XKR9: variants seen among roughly 807,000 people sequenced by gnomAD.
XKR9 encodes XK related 9.
XKR9 carries 32 observed loss-of-function variants against 32.0 expected under a neutral mutation model. That is an observed-to-expected ratio of 1.00 (90% CI 0.76 to 1.34). XKR9 has a LOEUF of 1.34. Ranked by LOEUF, XKR9 falls within the 40% of genes most tolerant of loss-of-function variation. The pLI is 0.00. For missense variants in XKR9, 546 were observed against 429.7 expected, an observed-to-expected ratio of 1.27 and a Z score of -2.39; for synonymous variants, 168 against 143.4, an observed-to-expected ratio of 1.17 and a Z score of -1.22.
At chr8:71,062,695 T>C in the XKR9 span, among the ~76,000 whole-genome samples, 22 of 152,046 alleles carry the variant, frequency 1.4e-4, no homozygotes, top group African/African-American at 4.8e-4. Context: ...GGGTCTTTTT[T>C]CAGTCAGATT....
chr8:71,003,025 A>C, the XKR9 span, among the ~76,000 whole-genome samples: 1 of 152,232 alleles, frequency 6.6e-6, no homozygotes, highest in Admixed American at 6.5e-5. Flanking sequence ...TGCACTTCAA[A>C]GCAAACCCCT....
At chr8:70,755,077 ACC>A (rs1234014775) in intron 2 of XKR9, among the ~76,000 whole-genome samples, 1 of 152,188 alleles carries the variant, frequency 6.6e-6, no homozygotes, top group African/African-American at 2.4e-5. Context: ...GAAAAAAACA[ACC>A]CCATCAAAAA....
At chr8:70,943,442 T>C in the XKR9 span, among the ~76,000 whole-genome samples, 1 of 152,140 alleles carries the variant, frequency 6.6e-6, no homozygotes, top group Non-Finnish European at 1.5e-5. Context: ...ACATTTTGAC[T>C]CAAAAATTAA....
the XKR9 span, among the ~76,000 whole-genome samples, chr8:71,002,069 T>C: frequency 6.6e-6 from 1 of 152,210 alleles, no homozygotes; most frequent in Non-Finnish European, 1.5e-5. Flanking sequence ...GATATGATGA[T>C]AATAAATCAA....
intron 4 of XKR9, among the ~76,000 whole-genome samples, chr8:70,707,610 T>G (rs1344859717): frequency 3.5e-5 from 2 of 57,442 alleles, no homozygotes; most frequent in African/African-American, 8.7e-5. Context: ...TAATTTAGGT[T>G]GTTTCTTATA....
chr8:70,698,331 A>G (rs1805371946), intron 3 of XKR9, among the ~76,000 whole-genome samples: 1 of 152,050 alleles, frequency 6.6e-6, no homozygotes, highest in Non-Finnish European at 1.5e-5. Flanking sequence ...TAGTGCTATA[A>G]ATTTCCCTCT....
At chr8:70,889,756 A>T in the XKR9 span, among the ~76,000 whole-genome samples, 2 of 151,750 alleles carry the variant, frequency 1.3e-5, no homozygotes, top group African/African-American at 4.8e-5. Flanking sequence ...TCATTTCATT[A>T]TTTTTTATGG....
chr8:70,855,721 CAGAG>C, the XKR9 span, among the ~76,000 whole-genome samples: 1 of 152,218 alleles, frequency 6.6e-6, no homozygotes, highest in African/African-American at 2.4e-5. Flanking sequence ...TAAGGGCAGC[CAGAG>C]AGAAAGGTTG....
chr8:71,002,272 A>T, the XKR9 span, among the ~76,000 whole-genome samples: 1 of 147,054 alleles, frequency 6.8e-6, no homozygotes, highest in African/African-American at 2.5e-5. Context: ...GATAGTCTAT[A>T]AACTACGAGG....
At chr8:71,050,393 A>G in the XKR9 span, among the ~76,000 whole-genome samples, 9,722 of 151,606 alleles carry the variant, frequency 0.064, 450 homozygotes, top group Non-Finnish European at 0.092. Context: ...GGATTCTTAA[A>G]TGGGGAGATA....
chr8:71,039,253 T>A, the XKR9 span, among the ~76,000 whole-genome samples: 1 of 152,164 alleles, frequency 6.6e-6, no homozygotes, highest in African/African-American at 2.4e-5. Context: ...TGGGGTTACA[T>A]CCCAATAAAC....
At chr8:70,778,384 G>T (rs1346507386) in intron 2 of XKR9, among the ~76,000 whole-genome samples, 1 of 152,190 alleles carries the variant, frequency 6.6e-6, no homozygotes, top group South Asian at 2.1e-4. Flanking sequence ...GTAGCCTGAT[G>T]CCTCCAGCTT....
the XKR9 span, among the ~76,000 whole-genome samples, chr8:70,899,315 G>A: frequency 6.6e-6 from 1 of 151,964 alleles, no homozygotes; most frequent in East Asian, 1.9e-4. Flanking sequence ...TTCTGCACCA[G>A]TGTCTTTTTC....
chr8:71,042,932 A>G, the XKR9 span, among the ~76,000 whole-genome samples: 1 of 152,166 alleles, frequency 6.6e-6, no homozygotes, highest in Non-Finnish European at 1.5e-5. Context: ...AGTAGTAGGC[A>G]TTGAGAGTGC....
the XKR9 span, among the ~76,000 whole-genome samples, chr8:70,954,262 G>A: frequency 1.3e-5 from 2 of 152,070 alleles, no homozygotes; most frequent in South Asian, 4.2e-4. Flanking sequence ...GCCTGGGACT[G>A]TTTACCCCAG....
the XKR9 span, among the ~76,000 whole-genome samples, chr8:70,815,617 C>T: frequency 6.6e-6 from 1 of 151,842 alleles, no homozygotes; most frequent in Non-Finnish European, 1.5e-5. Flanking sequence ...GCTCCGCCTC[C>T]CGGGTTCATG....
At chr8:70,827,340 ATGT>A in the XKR9 span, among the ~76,000 whole-genome samples, 2 of 152,162 alleles carry the variant, frequency 1.3e-5, no homozygotes, top group African/African-American at 4.8e-5. Flanking sequence ...TAAAGTATAG[ATGT>A]TGTTACCAAA....
intron 2 of XKR9, among the ~76,000 whole-genome samples, chr8:70,741,005 G>C (rs940814090): frequency 6.6e-6 from 1 of 152,258 alleles, no homozygotes; most frequent in Non-Finnish European, 1.5e-5. Context: ...AAAGCTGTCA[G>C]ACAGGGACAT....
intron 2 of XKR9, among the ~76,000 whole-genome samples, chr8:70,754,773 T>G (rs1807193594): frequency 6.6e-6 from 1 of 151,728 alleles, no homozygotes; most frequent in South Asian, 2.1e-4. Context: ...CAAGATGGAT[T>G]AAAGACTTAC....
Sources: gnomAD v4.1 joint callset for allele counts (sites outside exome capture counted in the v4.1 genomes callset) on GRCh38, gnomAD v4.1.1 for gene constraint, MANE v1.5 for transcripts, NCBI Gene and HGNC (gene_info 2026-07-23, HGNC 2026-07-21) for gene names.